The following TNFRSF8 variants were observed in gnomAD, a reference collection of about 807,000 sequenced individuals.
TNFRSF8 encodes the protein TNF receptor superfamily member 8, also known as tumor necrosis factor receptor superfamily member 8.
In TNFRSF8, 26 loss-of-function variants were observed where a neutral mutation model predicts 70.8. The ratio of observed to expected loss-of-function variants is 0.37; its 90% CI spans 0.27 to 0.51. The LOEUF (loss-of-function observed/expected upper bound fraction) is 0.51. Ranked by LOEUF, TNFRSF8 falls within the 20% of genes least tolerant of loss-of-function variation. TNFRSF8 has a pLI of 0.94. For synonymous variants in TNFRSF8, 356 were observed against 339.2 expected (o/e 1.05, Z -0.54); for missense variants, 720 against 807.9 (o/e 0.89, Z 1.32).
At chr1:12,071,347 G>A (rs1332485580) in intron 1 of TNFRSF8, among the ~76,000 whole-genome samples, 2 of 152,140 alleles carry the variant, frequency 1.3e-5, no homozygotes, top group African/African-American at 2.4e-5. Context: ...GTTGAAGCAC[G>A]AGAATTGCTT....
intron 12 of TNFRSF8, among the ~76,000 whole-genome samples, chr1:12,128,204 C>T (rs960386876): frequency 6.6e-6 from 1 of 152,234 alleles, no homozygotes; most frequent in African/African-American, 2.4e-5. Context: ...GGCTCTGTGC[C>T]GGGCCCAGAA....
At position 12,112,732 on chromosome 1, in the gene TNFRSF8, G is replaced by A. The variant is rs1641654866; in HGVS notation, c.793+718G>A. 6.6e-6 allele frequency among the ~76,000 whole-genome samples: 1 copy of A among 152,188 alleles called. No homozygotes were observed. The highest frequency in any genetic ancestry group is 2.4e-5 in the African/African-American group (1 of 41,454). Reference sequence around the variant, plus strand: ...TTGACAAGCACTTACTGAGTGCACAGACACAGCACGATGCAGGTGTGGGGC... The same window carrying A: ...TTGACAAGCACTTACTGAGTGCACAAACACAGCACGATGCAGGTGTGGGGC... On this transcript the variant is annotated intron_variant, in intron 7 of 14. Transcript: ENST00000263932. The surrounding 1 kb of genome is among the most constrained non-coding windows in gnomAD (Gnocchi z 5.3).
intron 13 of TNFRSF8, among the ~76,000 whole-genome samples, chr1:12,136,085 C>A (rs1642140070): frequency 6.6e-6 from 1 of 150,674 alleles, no homozygotes; most frequent in Admixed American, 6.6e-5. Flanking sequence ...TTTTTTTTCC[C>A]CATCTGTCAG....
At chr1:12,087,816 C>T (rs1282167811) in intron 2 of TNFRSF8, among the ~76,000 whole-genome samples, 2 of 152,156 alleles carry the variant, frequency 1.3e-5, no homozygotes, top group African/African-American at 4.8e-5. Context: ...AGGCTCCCTC[C>T]ACTTAAAAGC....
At position 12,142,640 on chromosome 1, in the gene TNFRSF8, G is replaced by A; in HGVS notation, c.*109G>A. 7.1e-7 allele frequency: 1 copy of A among 1,408,346 alleles called. No homozygotes were observed. The highest frequency in any genetic ancestry group is 2.5e-5 in the East Asian group (1 of 39,948). 87.2% of individuals were successfully genotyped at this position (1,408,346 alleles called of 1,614,324 possible). ...CAGAGGCCCATCTGGCCTGAACTGA[G>A]GCTCCAGCATCTAGTGGTGGACCGG... is the stretch of plus-strand genomic sequence containing the variant. On this transcript the variant is annotated 3_prime_UTR_variant, in exon 15 of 15. Coordinates refer to ENST00000263932, the MANE Select transcript of TNFRSF8 (RefSeq NM_001243.5). The surrounding 1 kb of genome is among the most constrained non-coding windows in gnomAD (Gnocchi z 5.0).
At chr1:12,106,228 C>T (rs776272584) in intron 4 of TNFRSF8, among the ~76,000 whole-genome samples, 4 of 152,176 alleles carry the variant, frequency 2.6e-5, no homozygotes, top group African/African-American at 9.7e-5. Flanking sequence ...GCTCCACCTG[C>T]GCTGCCCTTC....
chr1:12,133,399 A>G (rs1161581519), intron 12 of TNFRSF8, among the ~76,000 whole-genome samples: 1 of 151,856 alleles, frequency 6.6e-6, no homozygotes, highest in African/African-American at 2.4e-5. Context: ...TGTAAAACTC[A>G]AAATCACTCT....
intron 2 of TNFRSF8, among the ~76,000 whole-genome samples, chr1:12,093,097 C>A (rs1641273320): frequency 6.6e-6 from 1 of 152,184 alleles, no homozygotes; most frequent in Non-Finnish European, 1.5e-5. Flanking sequence ...TGAGCCACCG[C>A]ACCGGCCAAG....
At chr1:12,136,577 G>A (rs1642148221) in intron 13 of TNFRSF8, among the ~76,000 whole-genome samples, 1 of 151,394 alleles carries the variant, frequency 6.6e-6, no homozygotes, top group South Asian at 2.1e-4. Flanking sequence ...TGAGCCTGGG[G>A]GACAGAGGTT....
At chr1:12,106,485 T>G (rs963961138) in intron 4 of TNFRSF8, among the ~76,000 whole-genome samples, 7 of 152,160 alleles carry the variant, frequency 4.6e-5, no homozygotes, top group African/African-American at 1.7e-4. Context: ...TCTGTCTCCC[T>G]CCCTGGCTGG....
chr1:12,117,131 G>A (rs1207648407), intron 8 of TNFRSF8, among the ~76,000 whole-genome samples: 5 of 151,994 alleles, frequency 3.3e-5, no homozygotes, highest in Middle Eastern at 3.4e-3. Context: ...TGCCCAGGCC[G>A]ATGTGCAGTG....
chr1:12,117,866 A>G (rs1641760831), intron 8 of TNFRSF8, among the ~76,000 whole-genome samples: 1 of 151,538 alleles, frequency 6.6e-6, no homozygotes, highest in African/African-American at 2.4e-5. Context: ...CACCCTTCTA[A>G]GTCTCTGTTG....
chr1:12,073,886 G>T (rs542770086), intron 1 of TNFRSF8, among the ~76,000 whole-genome samples: 54 of 151,988 alleles, frequency 3.6e-4, no homozygotes, highest in African/African-American at 1.3e-3. Flanking sequence ...GGGAGCCACC[G>T]CACCCAGCCC....
In TNFRSF8 at chr1:12,073,574, C is replaced by T. The variant is rs1415956938; in HGVS notation, c.63+9913C>T. Among the ~76,000 whole-genome samples, 5 of 149,124 alleles carry T rather than the reference C, an allele frequency of 3.4e-5. 1 individual carries two copies. In the South Asian group the frequency reaches 1.1e-3, roughly 32 times the overall value. ...GTTTTCCCTTTCCCTTTCCTTTTCC[C>T]TTTCCCTTTTTCTTTTTCTTTTTTT... On this transcript the variant is annotated intron_variant, in intron 1 of 14. Transcript: ENST00000263932.
chr1:12,102,815 C>T (rs1469746252), intron 3 of TNFRSF8, among the ~76,000 whole-genome samples: 1 of 152,074 alleles, frequency 6.6e-6, no homozygotes, highest in African/African-American at 2.4e-5. Context: ...TGTGAACCAC[C>T]ACTCCCCGCC....
chr1:12,082,590 C>T (rs1333951608), intron 1 of TNFRSF8, among the ~76,000 whole-genome samples: 1 of 149,864 alleles, frequency 6.7e-6, no homozygotes, highest in Non-Finnish European at 1.5e-5. Context: ...AAAACCCCCA[C>T]AAAAACCCAC....
chr1:12,093,834 G>C (rs912903376), intron 2 of TNFRSF8, among the ~76,000 whole-genome samples: 2 of 152,230 alleles, frequency 1.3e-5, no homozygotes, highest in South Asian at 2.1e-4. Flanking sequence ...ACTTTGGAAG[G>C]CCAAGGCGGG....
intron 12 of TNFRSF8, among the ~76,000 whole-genome samples, chr1:12,128,987 A>G (rs959520407): frequency 6.6e-6 from 1 of 151,934 alleles, no homozygotes; most frequent in East Asian, 1.9e-4. Flanking sequence ...GGCTCCTGCC[A>G]CCATGCCTGG....
At chr1:12,092,911 T>G (rs1286966504) in intron 2 of TNFRSF8, among the ~76,000 whole-genome samples, 1 of 152,058 alleles carries the variant, frequency 6.6e-6, no homozygotes, top group Non-Finnish European at 1.5e-5. Context: ...GTTCAAGTGA[T>G]TTTCCTGCCC....
Sources: gnomAD v4.1 joint callset for allele counts (sites outside exome capture counted in the v4.1 genomes callset) on GRCh38, gnomAD v4.1.1 for gene constraint, Gnocchi (gnomAD v3.1) non-coding constraint, MANE v1.5 for transcripts, NCBI Gene and HGNC (gene_info 2026-07-23, HGNC 2026-07-21) for gene names.